Variants in KIF13B observed in about 807,000 individuals in gnomAD.
KIF13B encodes kinesin family member 13B, also known as kinesin-like protein KIF13B.
Under a neutral mutation model 222.0 loss-of-function variants are expected in KIF13B, and 127 were observed. That is an observed-to-expected ratio of 0.57 (90% CI 0.50 to 0.66). The LOEUF (loss-of-function observed/expected upper bound fraction) is 0.66. Ranked by LOEUF, KIF13B falls within the 30% of genes least tolerant of loss-of-function variation. KIF13B has a pLI of 0.00. For synonymous variants in KIF13B, 976 were observed against 919.0 expected, an observed-to-expected ratio of 1.06 and a Z score of -1.12; for missense variants, 2,173 against 2,379.0, an observed-to-expected ratio of 0.91 and a Z score of 1.80.
At chr8:29,252,564 T>C (rs1243847217) in intron 1 of KIF13B, among the ~76,000 whole-genome samples, 1 of 152,266 alleles carries the variant, frequency 6.6e-6, no homozygotes, top group East Asian at 1.9e-4. Flanking sequence ...GGTTCATTTT[T>C]TAAAGATAGA....
At position 29,190,695 on chromosome 8, in the gene KIF13B, G is replaced by A. The variant is rs1016175443; in HGVS notation, c.223+302C>T. On this transcript the variant is annotated intron_variant, in intron 4 of 39. Coordinates refer to ENST00000524189, the MANE Select transcript of KIF13B (RefSeq NM_015254.4). ...TAGAGGCCTGGACCTGCGCTGGTGGGAAGGAGGGAGCGGTCTTGTGGGACT... is the reference window on the plus strand; with the variant it reads ...TAGAGGCCTGGACCTGCGCTGGTGGAAAGGAGGGAGCGGTCTTGTGGGACT... 29 of 347,972 alleles carry A rather than the reference G, an allele frequency of 8.3e-5. 1 individual carries two copies. Among genetic ancestry groups the A allele is most frequent in the African/African-American group, 5.5e-4 (26 of 47,026 alleles). 21.6% of individuals were successfully genotyped at this position (347,972 alleles called of 1,614,324 possible).
rs947582873 is a variant in KIF13B, at chr8:29,069,773, C to G, written c.*731G>C. The G allele has an allele frequency of 6.6e-6, 1 of 152,268 alleles. No homozygotes were observed. Among genetic ancestry groups the G allele is most frequent in the Non-Finnish European group, 1.5e-5 (1 of 68,052 alleles). 9.4% of individuals were successfully genotyped at this position (152,268 alleles called of 1,614,324 possible). ...AAATATAAATAAATACATTCCAAGC[C>G]TTCTGTGAAGGGAATAAACGGCAAA... On this transcript the variant is annotated 3_prime_UTR_variant, in exon 40 of 40. Coordinates refer to ENST00000524189, the MANE Select transcript of KIF13B (RefSeq NM_015254.4).
chr8:29,179,599 C>A (rs1812627286), intron 8 of KIF13B, among the ~76,000 whole-genome samples: 1 of 152,226 alleles, frequency 6.6e-6, no homozygotes. Context: ...TCAGGATACA[C>A]CTGCTAGAGG....
rs150324021 is a variant in KIF13B, at chr8:29,220,436, A to G, written c.150-24237T>C. Among the ~76,000 whole-genome samples, 107 of 152,286 alleles carry G rather than the reference A, an allele frequency of 7.0e-4. 1 individual carries two copies. The East Asian group carries it at 0.02, about 29-fold the overall frequency. On this transcript the variant is annotated intron_variant, in intron 2 of 39. Transcript: ENST00000524189. ...TTCAGTTGTCTCTGATGCAGCTTAT[A>G]TAAAATAACTGTTGTTCTGTTAACT...
intron 15 of KIF13B, 97 bp downstream of exon 15, chr8:29,150,192 CAATAACAT>C: frequency 1.5e-6 from 1 of 658,456 alleles, no homozygotes; most frequent in South Asian, 1.8e-5. Flanking sequence ...CGTACACACA[CAATAACAT>C]AATTGTTGTA....
At chr8:29,094,285 G>C (rs917877098) in intron 36 of KIF13B, among the ~76,000 whole-genome samples, 104 of 152,162 alleles carry the variant, frequency 6.8e-4, no homozygotes, top group African/African-American at 2.3e-3. Context: ...GAACACAACA[G>C]GAAAAGTAAG....
chr8:29,184,614 G>A (rs1454891052), intron 6 of KIF13B, among the ~76,000 whole-genome samples: 1 of 152,138 alleles, frequency 6.6e-6, no homozygotes, highest in African/African-American at 2.4e-5. Flanking sequence ...GTTAATTACT[G>A]TAAGTAATTA....
intron 32 of KIF13B, among the ~76,000 whole-genome samples, chr8:29,112,469 A>C (rs1809403147): frequency 6.6e-6 from 1 of 152,100 alleles, no homozygotes; most frequent in African/African-American, 2.4e-5. Flanking sequence ...TCTGTATTAA[A>C]ATATACACTG....
At chr8:29,205,997 G>A (rs1461078385) in intron 2 of KIF13B, among the ~76,000 whole-genome samples, 1 of 152,056 alleles carries the variant, frequency 6.6e-6, no homozygotes, top group African/African-American at 2.4e-5. Flanking sequence ...AGGCTGAACT[G>A]GGAGGATCAC....
intron 1 of KIF13B, among the ~76,000 whole-genome samples, chr8:29,261,191 A>T (rs759805018): frequency 1.3e-5 from 2 of 152,222 alleles, no homozygotes; most frequent in Non-Finnish European, 2.9e-5. Flanking sequence ...AATGGAATCT[A>T]TGGGTAAACC....
At chr8:29,107,107 A>C (rs940806222) in intron 35 of KIF13B, among the ~76,000 whole-genome samples, 1 of 152,152 alleles carries the variant, frequency 6.6e-6, no homozygotes. Context: ...CACATAAATA[A>C]ATTCCAGCGA....
chr8:29,119,128 C>T (rs929316355), intron 29 of KIF13B, 136 bp from the exon 30 acceptor site: 1 of 860,774 alleles, frequency 1.2e-6, no homozygotes, highest in African/African-American at 1.7e-5. Flanking sequence ...TTACATGACA[C>T]TGAAGATGAC....
At chr8:29,257,930 T>C (rs559985917) in intron 1 of KIF13B, among the ~76,000 whole-genome samples, 2 of 152,354 alleles carry the variant, frequency 1.3e-5, no homozygotes, top group South Asian at 4.1e-4. Context: ...TATGTGCATA[T>C]ATCCAAATTT....
chr8:29,134,877 G>A (rs1810489787), intron 21 of KIF13B, among the ~76,000 whole-genome samples: 1 of 152,142 alleles, frequency 6.6e-6, no homozygotes, highest in African/African-American at 2.4e-5. Context: ...GCAGATTTGG[G>A]GGAAGGTGTA....
chr8:29,084,416 C>T (rs1011168455), intron 37 of KIF13B, among the ~76,000 whole-genome samples: 2 of 152,184 alleles, frequency 1.3e-5, no homozygotes, highest in African/African-American at 4.8e-5. Flanking sequence ...ATTATACAGA[C>T]ACCTTTTCAA....
At chr8:29,133,914 C>T in intron 22 of KIF13B, 126 bp downstream of exon 22, 1 of 905,476 alleles carries the variant, frequency 1.1e-6, no homozygotes, top group Non-Finnish European at 1.6e-6. Flanking sequence ...TACTCAATCC[C>T]CACACTCTAC....
At chr8:29,106,064 A>AT (rs1809054255) in intron 35 of KIF13B, among the ~76,000 whole-genome samples, 1 of 152,192 alleles carries the variant, frequency 6.6e-6, no homozygotes, top group South Asian at 2.1e-4. Flanking sequence ...TGTTTTTCTT[A>AT]TATTTTCCTT....
intron 16 of KIF13B, 116 bp downstream of exon 16, chr8:29,148,461 A>T: frequency 1.7e-6 from 1 of 576,308 alleles, no homozygotes. Flanking sequence ...AGCAGTGGTT[A>T]TTCACGGGCA....
At chr8:29,141,561 G>A (rs751246913) in intron 19 of KIF13B, among the ~76,000 whole-genome samples, 3 of 152,096 alleles carry the variant, frequency 2.0e-5, no homozygotes, top group East Asian at 1.9e-4. Flanking sequence ...CAGGTCTAAC[G>A]GTAATGAAAA....
Sources: allele counts gnomAD v4.1 joint callset (sites outside exome capture counted in the v4.1 genomes callset), GRCh38; gene constraint gnomAD v4.1.1; transcripts MANE v1.5; gene names NCBI Gene and HGNC (gene_info 2026-07-23, HGNC 2026-07-21).